Variants in GDPD3 observed in about 807,000 individuals in gnomAD.
GDPD3 encodes the protein lysophospholipase D GDPD3.
GDPD3 carries 40 observed loss-of-function variants against 43.7 expected under a neutral mutation model. That is an observed-to-expected ratio of 0.91 (90% CI 0.71 to 1.19). The LOEUF (loss-of-function observed/expected upper bound fraction) is 1.19, where lower values mean the gene tolerates loss of function less well. GDPD3 is among the 50% of genes most tolerant of loss of function. The pLI, the probability that GDPD3 is intolerant of heterozygous loss-of-function variation, is 0.00. For missense variants in GDPD3, 363 were observed against 415.8 expected, an observed-to-expected ratio of 0.87 and a Z score of 1.11; for synonymous variants, 145 against 162.9, an observed-to-expected ratio of 0.89 and a Z score of 0.84.
At chr16:30,105,642 C>T (rs1265158223) in intron 9 of GDPD3, among the ~76,000 whole-genome samples, 4 of 150,578 alleles carry the variant, frequency 2.7e-5, no homozygotes, top group Non-Finnish European at 5.9e-5. Flanking sequence ...GTAGCTGGGA[C>T]TACAGATGTC....
rs747575526 is a variant in GDPD3, at chr16:30,111,423, C to G, written c.672G>C (p.Lys224Asn). The change falls in exon 7 of 10, where the codon AAG (lysine) becomes AAC (asparagine). Residue 224 changes from lysine to asparagine, a missense_variant. Lys to Asn is a moderately conservative substitution (Grantham distance 94, BLOSUM62 0). Coordinates refer to ENST00000406256, the MANE Select transcript of GDPD3 (RefSeq NM_024307.3). ...TGTTGGGCAGGAAGCAGAAGAAGAA[C>G]TTCTCAGGGATTGGGATGAAGGGCA... ...GLLPFIPIPE[K>N]FFFCFLPNII... The G allele has an allele frequency of 1.7e-5, 27 of 1,613,870 alleles. No individual in the cohort carries two copies. In the South Asian group the frequency reaches 2.7e-4, roughly 16 times the overall value.
chr16:30,112,813 CG>C lies in GDPD3; in HGVS notation c.183-21del. On this transcript the variant is annotated intron_variant, in intron 2 of 9. Coordinates refer to ENST00000406256, the MANE Select transcript of GDPD3 (RefSeq NM_024307.3). The surrounding 1 kb of genome is among the most constrained non-coding windows in gnomAD (Gnocchi z 5.4). ...ATGGAGCTGTGGGGGTGAAGGTCAGCGGGGGGCAGGGGCAGGGGACTGGGAT... is the reference window on the plus strand; with the variant it reads ...ATGGAGCTGTGGGGGTGAAGGTCAGCGGGGGCAGGGGCAGGGGACTGGGAT... The C allele has an allele frequency of 6.2e-7, 1 of 1,601,036 alleles. No homozygotes were observed. Among genetic ancestry groups the C allele is most frequent in the Non-Finnish European group, 8.5e-7 (1 of 1,178,006 alleles).
At chr16:30,105,330 G>A (rs917802647) in intron 9 of GDPD3, among the ~76,000 whole-genome samples, 5 of 151,772 alleles carry the variant, frequency 3.3e-5, no homozygotes, top group African/African-American at 9.7e-5. Flanking sequence ...GGTGGTATGC[G>A]CCTGTGCTCC....
chr16:30,111,697 C>G (rs956641342), intron 6 of GDPD3, 176 bp from the exon 7 acceptor site: 3 of 645,518 alleles, frequency 4.6e-6, no homozygotes, highest in African/African-American at 1.8e-5. Flanking sequence ...GTTTGGGAGG[C>G]TGAGGCAGGT....
chr16:30,108,467 G>C (rs769478903), intron 7 of GDPD3, 35 bp from the exon 8 acceptor site: 1 of 1,604,108 alleles, frequency 6.2e-7, no homozygotes, highest in Non-Finnish European at 8.5e-7. Context: ...TAGCTCCTAG[G>C]GTCTCCCCTG....
intron 7 of GDPD3, chr16:30,111,178 C>A: frequency 1.8e-6 from 1 of 542,784 alleles, no homozygotes; most frequent in Non-Finnish European, 3.2e-6. Flanking sequence ...GATAAATTAC[C>A]TCTCTATCCT....
intron 7 of GDPD3, among the ~76,000 whole-genome samples, chr16:30,108,806 A>G (rs1251168590): frequency 6.6e-6 from 1 of 151,184 alleles, no homozygotes; most frequent in Non-Finnish European, 1.5e-5. Flanking sequence ...CTTCTTATTT[A>G]TCTATTTATC....
rs1362782582 is a variant in GDPD3, at chr16:30,111,411, G to A, written c.684C>T (p.Cys228=). 4.3e-6 allele frequency: 7 copies of A among 1,614,018 alleles called. No homozygotes were observed. The highest frequency in any genetic ancestry group is 1.1e-5 in the South Asian group (1 of 91,076). ...FIPIPEKFFF[C]FLPNIINRTY... ...ACCTGTTGATGATGTTGGGCAGGAA[G>A]CAGAAGAAGAACTTCTCAGGGATTG... Residue 228 remains cysteine (C), a synonymous_variant, in exon 7 of 10, where the codon TGC becomes TGT. Transcript: ENST00000406256.
At chr16:30,105,206 C>T (rs994374874) in intron 9 of GDPD3, among the ~76,000 whole-genome samples, 197 bp from the exon 10 acceptor site, 15 of 152,142 alleles carry the variant, frequency 9.9e-5, no homozygotes, top group African/African-American at 2.2e-4. Flanking sequence ...CAGTGGCTCA[C>T]GCCTGTAATA....
At chr16:30,111,651 G>C in intron 6 of GDPD3, 130 bp from the exon 7 acceptor site, 1 of 1,020,438 alleles carries the variant, frequency 9.8e-7, no homozygotes, top group Non-Finnish European at 1.5e-6. Context: ...CACATCTTGG[G>C]GCTGGGTGTG....
At position 30,111,455 on chromosome 16, in the gene GDPD3, C is replaced by T. The variant is rs1428274923; in HGVS notation, c.640G>A (p.Gly214Arg). The T allele has an allele frequency of 1.9e-6, 3 of 1,613,684 alleles. No homozygotes were observed. The highest frequency in any genetic ancestry group is 2.5e-6 in the Non-Finnish European group (3 of 1,179,912). Residue 214 changes from glycine (G) to arginine (R), a missense_variant, in exon 7 of 10, where the codon GGG becomes AGG. Coordinates refer to ENST00000406256, the MANE Select transcript of GDPD3 (RefSeq NM_024307.3). ...GGGATTGGGATGAAGGGCAGCAGCC[C>T]CAGGTAGTAGGAAAGCAGCACCCAG... is the stretch of plus-strand genomic sequence containing the variant. ...GFWVLLSYYL[G>R]LLPFIPIPEK...
Position 30,108,221 on chromosome 16 carries a change from C to T in GDPD3, c.811G>A (p.Gly271Arg), listed in dbSNP as rs1340917800. The T allele has an allele frequency of 1.2e-5, 20 of 1,602,180 alleles. No homozygotes were observed. The highest frequency in any genetic ancestry group is 1.6e-5 in the Non-Finnish European group (19 of 1,173,178). Residue 271 changes from glycine (G) to arginine (R), a missense_variant, in exon 9 of 10, where the codon GGG (glycine) becomes AGG (arginine). Gly to Arg is a moderately radical substitution (Grantham distance 125, BLOSUM62 -2). Transcript: ENST00000406256. ...KSLIRHLEER[G>R]VQVVFWCLNE... The stretch of plus-strand genomic sequence containing the variant: ...GGTGGTCACGGCCTCACCTGCACCC[C>T]TCGCTCCTCCAAGTGTCGGATCAGA...
intron 7 of GDPD3, chr16:30,110,449 G>A (rs1332050966): frequency 6.6e-6 from 1 of 151,944 alleles, no homozygotes; most frequent in Non-Finnish European, 1.5e-5. Context: ...AAAAAATCCG[G>A]TATAAAAAGG....
At chr16:30,110,739 T>A (rs1397211190) in intron 7 of GDPD3, among the ~76,000 whole-genome samples, 2 of 151,282 alleles carry the variant, frequency 1.3e-5, no homozygotes, top group African/African-American at 4.9e-5. Context: ...AGGTGCAGTG[T>A]TGCACGCCTA....
At position 30,113,075 on chromosome 16, in the gene GDPD3, C is replaced by A. The variant is rs907900868; in HGVS notation, c.140-11G>T. 1 of 1,611,826 alleles carries A rather than the reference C, an allele frequency of 6.2e-7. No homozygotes were observed. Among genetic ancestry groups the A allele is most frequent in the African/African-American group, 1.3e-5 (1 of 75,010 alleles). On this transcript the variant is annotated splice_polypyrimidine_tract_variant and intron_variant, in intron 1 of 9. Transcript: ENST00000406256. The surrounding 1 kb of genome is among the most constrained non-coding windows in gnomAD (Gnocchi z 5.9). ...GCAGCTCTCCAGATCCTGTGGGGGG[C>A]ACTGGAGTGGGCCTCTGGGGCTTGG... is the stretch of plus-strand genomic sequence containing the variant.
rs528696012 is a variant in GDPD3, at chr16:30,108,632, T to C, written c.708-200A>G. The C allele has an allele frequency of 2.3e-5, 13 of 561,358 alleles. No homozygotes were observed. The East Asian group carries it at 3.9e-4, about 17-fold the overall frequency. The allele number at this position is 561,358 out of a possible 1,614,324, so 34.8% of individuals were successfully genotyped here. ...TACTCTGACCACCACGCTTCAAGGG[T>C]GTGGCCCTCCAGTCACCATTCACCA... On this transcript the variant is annotated intron_variant, in intron 7 of 9. Coordinates refer to ENST00000406256, the MANE Select transcript of GDPD3 (RefSeq NM_024307.3).
At position 30,112,466 on chromosome 16, in the gene GDPD3, C is replaced by G; in HGVS notation, c.365-42G>C. ...AAAAGGGGTCAGAGGGAAGCCAAGG[C>G]GGAGGTCCAAGGAAGGCAGGCATGG... On this transcript the variant is annotated intron_variant, in intron 4 of 9. Transcript: ENST00000406256. The surrounding 1 kb of genome is among the most constrained non-coding windows in gnomAD (Gnocchi z 5.4). 1 of 1,613,728 alleles carries G rather than the reference C, an allele frequency of 6.2e-7. No homozygotes were observed. Among genetic ancestry groups the G allele is most frequent in the Non-Finnish European group, 8.5e-7 (1 of 1,179,652 alleles).
intron 6 of GDPD3, 97 bp from the exon 7 acceptor site, chr16:30,111,618 C>T: frequency 7.5e-7 from 1 of 1,331,922 alleles, no homozygotes; most frequent in Non-Finnish European, 1.1e-6. Flanking sequence ...TTCCAGAGGC[C>T]CTACTACCTG....
chr16:30,112,606 T>A lies in GDPD3; in HGVS notation c.319-38A>T. 6.2e-7 allele frequency: 1 copy of A among 1,614,008 alleles called. No homozygotes were observed. On this transcript the variant is annotated intron_variant, in intron 3 of 9. Transcript: ENST00000406256. This position sits in a 1 kb window ranked among gnomAD's most constrained non-coding sequence, Gnocchi z 5.4. ...GGAAGGATGTCACTAGAGGCCCGCA[T>A]TGGGCATGGTGACTCTCAGGGTGGG...
Sources: gnomAD v4.1 joint callset for allele counts (sites outside exome capture counted in the v4.1 genomes callset) on GRCh38, gnomAD v4.1.1 for gene constraint, Gnocchi (gnomAD v3.1) non-coding constraint, MANE v1.5 for transcripts, NCBI Gene and HGNC (gene_info 2026-07-23, HGNC 2026-07-21) for gene names.